Variants in PFKFB3 observed in about 807,000 individuals in gnomAD.
PFKFB3 encodes 6-phosphofructo-2-kinase/fructose-2,6-bisphosphatase 3.
A neutral mutation model predicts 68.0 loss-of-function variants in PFKFB3; 33 were observed. The observed-to-expected ratio is 0.49, with a 90% CI of 0.37 to 0.65. The LOEUF is 0.65. PFKFB3 is among the 30% of genes least tolerant of loss of function. The pLI is 0.00. For synonymous variants in PFKFB3, 315 were observed against 288.2 expected (o/e 1.09, Z -0.94); for missense variants, 586 against 712.2 (o/e 0.82, Z 2.02).
At chr10:6,231,128 A>C in intron 14 of PFKFB3, 1 of 708,000 alleles carries the variant, frequency 1.4e-6, no homozygotes, top group Non-Finnish European at 2.5e-6. Context: ...CTTGGGATCG[A>C]GAGATCACCT....
At chr10:6,226,070 C>T (rs1009255147) in intron 13 of PFKFB3, 122 bp from the exon 14 acceptor site, 11 of 872,540 alleles carry the variant, frequency 1.3e-5, no homozygotes, top group Non-Finnish European at 2.0e-5. Context: ...GTCCCGGCCA[C>T]TCCCCTCGGT....
At chr10:6,150,923 T>A (rs889012757) in intron 1 of PFKFB3, among the ~76,000 whole-genome samples, 4 of 151,934 alleles carry the variant, frequency 2.6e-5, no homozygotes, top group Non-Finnish European at 5.9e-5. Context: ...CGCTTGAACC[T>A]GGGGGGGCGG....
At chr10:6,155,490 C>T (rs1439682603) in intron 1 of PFKFB3, among the ~76,000 whole-genome samples, 8 of 152,150 alleles carry the variant, frequency 5.3e-5, no homozygotes, top group Non-Finnish European at 2.9e-5. Context: ...AGGCGTGAGC[C>T]ACCGCACCTG....
chr10:6,277,623 C>G, the PFKFB3 span: 1 of 232,060 alleles, frequency 4.3e-6, no homozygotes. Context: ...ATATCCCTGC[C>G]CCCGCACCTC....
the PFKFB3 span, among the ~76,000 whole-genome samples, chr10:6,301,918 G>A: frequency 1.1e-4 from 16 of 152,222 alleles, 1 homozygote; most frequent in Middle Eastern, 0.01. Context: ...AACCAACCTC[G>A]TAAGTTCCCC....
downstream of PFKFB3, among the ~76,000 whole-genome samples, chr10:6,254,808 CT>C (rs144888417): frequency 5.6e-3 from 342 of 61,618 alleles, no homozygotes; most frequent in African/African-American, 0.022. Context: ...TTTTTCTGTT[CT>C]TTTTTTTTTT....
chr10:6,320,709 A>C, the PFKFB3 span, among the ~76,000 whole-genome samples: 1 of 152,094 alleles, frequency 6.6e-6, no homozygotes, highest in Non-Finnish European at 1.5e-5. Flanking sequence ...GCAGGCCTGA[A>C]CCACCACGCC....
the PFKFB3 span, among the ~76,000 whole-genome samples, chr10:6,320,461 C>T: frequency 6.9e-6 from 1 of 145,564 alleles, no homozygotes; most frequent in Admixed American, 6.9e-5. Flanking sequence ...TCTTCTTCTT[C>T]TTTTTTTTTT....
intron 1 of PFKFB3, chr10:6,146,240 G>A: frequency 6.9e-7 from 1 of 1,448,072 alleles, no homozygotes; most frequent in Non-Finnish European, 9.1e-7. Flanking sequence ...TAACTCAGAG[G>A]CACGGCCAGC....
chr10:6,225,555 C>G (rs917455104), intron 13 of PFKFB3, among the ~76,000 whole-genome samples: 22 of 152,244 alleles, frequency 1.4e-4, no homozygotes, highest in African/African-American at 5.3e-4. Context: ...GAGACAGATC[C>G]CGGTTCTGAG....
At chr10:6,292,046 C>T in the PFKFB3 span, among the ~76,000 whole-genome samples, 62 of 149,714 alleles carry the variant, frequency 4.1e-4, no homozygotes, top group Non-Finnish European at 8.1e-4. Context: ...CTCCACCTCC[C>T]GAGTTCAAGC....
At chr10:6,222,119 T>C (rs1845007468) in intron 10 of PFKFB3, among the ~76,000 whole-genome samples, 1 of 152,030 alleles carries the variant, frequency 6.6e-6, no homozygotes, top group South Asian at 2.1e-4. Flanking sequence ...CGCTGTTGCC[T>C]CCTCTGCCGA....
At chr10:6,266,285 A>C in the PFKFB3 span, among the ~76,000 whole-genome samples, 1 of 152,110 alleles carries the variant, frequency 6.6e-6, no homozygotes, top group Non-Finnish European at 1.5e-5. Flanking sequence ...TTATTTTGAC[A>C]CTCAAATTGT....
At chr10:6,204,087 G>A (rs574479922) in intron 1 of PFKFB3, among the ~76,000 whole-genome samples, 11 of 152,298 alleles carry the variant, frequency 7.2e-5, no homozygotes, top group Admixed American at 5.9e-4. Context: ...CCCGGTGCTC[G>A]GAATTGGCTG....
chr10:6,157,737 A>C (rs1301632922), intron 1 of PFKFB3, among the ~76,000 whole-genome samples: 1 of 152,234 alleles, frequency 6.6e-6, no homozygotes, highest in Non-Finnish European at 1.5e-5. Flanking sequence ...TTTTTCACTT[A>C]TGATTTCAGT....
At chr10:6,177,926 G>A (rs1303267282) in intron 1 of PFKFB3, among the ~76,000 whole-genome samples, 1 of 152,142 alleles carries the variant, frequency 6.6e-6, no homozygotes, top group East Asian at 1.9e-4. Context: ...GGATACCTGA[G>A]GTGGGCACGT....
At chr10:6,274,839 A>AC in the PFKFB3 span, among the ~76,000 whole-genome samples, 28 of 151,862 alleles carry the variant, frequency 1.8e-4, no homozygotes, top group African/African-American at 6.5e-4. Context: ...CTGTCTCAAA[A>AC]AAAAAACAAA....
intron 1 of PFKFB3, among the ~76,000 whole-genome samples, chr10:6,208,215 G>A (rs11257279): frequency 0.27 from 41,448 of 151,832 alleles, 5,849 homozygotes; most frequent in Middle Eastern, 0.38. Flanking sequence ...GGGACTAGGG[G>A]CATGTGCTAC....
At chr10:6,267,553 A>G in the PFKFB3 span, among the ~76,000 whole-genome samples, 1 of 152,176 alleles carries the variant, frequency 6.6e-6, no homozygotes, top group African/African-American at 2.4e-5. Context: ...TGGCGTTCTT[A>G]CTTACTCACT....
Sources: gnomAD v4.1 joint callset for allele counts (sites outside exome capture counted in the v4.1 genomes callset) on GRCh38, gnomAD v4.1.1 for gene constraint, MANE v1.5 for transcripts, NCBI Gene and HGNC (gene_info 2026-07-23, HGNC 2026-07-21) for gene names.